Variants in KCNIP4 observed in about 807,000 individuals in gnomAD.
KCNIP4 encodes potassium voltage-gated channel interacting protein 4, also known as Kv channel-interacting protein 4.
Under a neutral mutation model 34.0 loss-of-function variants are expected in KCNIP4, and 12 were observed. The observed-to-expected ratio is 0.35, with a 90% confidence interval of 0.23 to 0.57. KCNIP4 has a LOEUF of 0.57. Ranked by LOEUF, KCNIP4 falls within the 20% of genes least tolerant of loss-of-function variation. The pLI, the probability that KCNIP4 is intolerant of heterozygous loss-of-function variation, is 0.83. For synonymous variants in KCNIP4, 124 were observed against 102.2 expected, an observed-to-expected ratio of 1.21 and a Z score of -1.29; for missense variants, 238 against 311.7, an observed-to-expected ratio of 0.76 and a Z score of 1.78.
At chr4:21,512,971 G>C (rs1301133056) in intron 1 of KCNIP4, among the ~76,000 whole-genome samples, 1 of 152,174 alleles carries the variant, frequency 6.6e-6, no homozygotes, top group Admixed American at 6.6e-5. Context: ...GATTAGATGA[G>C]ATAACACACT....
chr4:20,905,485 C>A (rs918448142), intron 1 of KCNIP4, among the ~76,000 whole-genome samples: 1 of 144,804 alleles, frequency 6.9e-6, no homozygotes, highest in African/African-American at 2.5e-5. Flanking sequence ...TTTAATATTA[C>A]ACAGGTAGTT....
intron 1 of KCNIP4, among the ~76,000 whole-genome samples, chr4:21,342,241 T>C (rs1350082609): frequency 6.6e-6 from 1 of 152,044 alleles, no homozygotes; most frequent in East Asian, 1.9e-4. Flanking sequence ...CTCAAAATGC[T>C]AGAAAAAGAA....
intron 1 of KCNIP4, among the ~76,000 whole-genome samples, chr4:21,454,504 G>A (rs1413635011): frequency 6.6e-6 from 1 of 152,082 alleles, no homozygotes; most frequent in African/African-American, 2.4e-5. Flanking sequence ...TGACTCCAGG[G>A]TAAAATGCTT....
At chr4:20,762,573 A>G (rs1278648411) in intron 3 of KCNIP4, among the ~76,000 whole-genome samples, 2 of 152,204 alleles carry the variant, frequency 1.3e-5, no homozygotes, top group Non-Finnish European at 2.9e-5. Context: ...TGATCTCTCC[A>G]TAAAAGTGGT....
chr4:20,837,757 C>T (rs1336040415), intron 3 of KCNIP4, among the ~76,000 whole-genome samples: 33 of 150,540 alleles, frequency 2.2e-4, no homozygotes, highest in African/African-American at 8.1e-4. Context: ...ATCTTGCTCA[C>T]TGCAACCTCT....
intron 1 of KCNIP4, among the ~76,000 whole-genome samples, chr4:21,834,680 A>C (rs1488052674): frequency 6.7e-4 from 99 of 148,210 alleles, no homozygotes; most frequent in South Asian, 1.7e-3. Context: ...CAGTTTTCAA[A>C]GGGAATGCTT....
At chr4:20,914,595 T>C (rs1728630332) in intron 1 of KCNIP4, among the ~76,000 whole-genome samples, 1 of 152,188 alleles carries the variant, frequency 6.6e-6, no homozygotes, top group African/African-American at 2.4e-5. Context: ...ATAATTATAA[T>C]TATTATTTGG....
At position 20,911,073 on chromosome 4, in the gene KCNIP4, A is replaced by G. The variant is rs991295647; in HGVS notation, c.62-28364T>C. Among the ~76,000 whole-genome samples, 6 of 152,230 alleles carry G rather than the reference A, an allele frequency of 3.9e-5. No homozygotes were observed. In the East Asian group the frequency reaches 1.2e-3, roughly 29 times the overall value. On this transcript the variant is annotated intron_variant, in intron 1 of 8. Transcript: ENST00000382152. Reference sequence around the variant, plus strand: ...TATTTCTAACATAAGAGAAACCATAATCAGACAGATTATGAGAAAAGTGAA... The same window carrying G: ...TATTTCTAACATAAGAGAAACCATAGTCAGACAGATTATGAGAAAAGTGAA...
At chr4:21,267,070 G>A (rs941982948) in intron 1 of KCNIP4, among the ~76,000 whole-genome samples, 5 of 152,176 alleles carry the variant, frequency 3.3e-5, no homozygotes, top group African/African-American at 1.2e-4. Context: ...GCCCAGCTCA[G>A]CTATGACCAC....
At chr4:21,746,553 ATAT>A (rs1716789955) in intron 1 of KCNIP4, among the ~76,000 whole-genome samples, 1 of 150,848 alleles carries the variant, frequency 6.6e-6, no homozygotes, top group Non-Finnish European at 1.5e-5. Flanking sequence ...ATTATAAAAA[ATAT>A]TATACTCAGT....
intron 1 of KCNIP4, among the ~76,000 whole-genome samples, chr4:21,584,792 C>T (rs1741489355): frequency 6.6e-6 from 1 of 152,012 alleles, no homozygotes; most frequent in South Asian, 2.1e-4. Flanking sequence ...CACACTCACA[C>T]AAAGAAAGAT....
At chr4:21,172,707 A>G (rs1045828679) in intron 1 of KCNIP4, among the ~76,000 whole-genome samples, 2 of 152,162 alleles carry the variant, frequency 1.3e-5, no homozygotes, top group African/African-American at 4.8e-5. Context: ...GCATTTATAA[A>G]GCCCCACTCT....
intron 1 of KCNIP4, among the ~76,000 whole-genome samples, chr4:20,954,106 T>A (rs1476652015): frequency 6.6e-6 from 1 of 152,142 alleles, no homozygotes; most frequent in East Asian, 1.9e-4. Flanking sequence ...CAAAGTTATC[T>A]TCAAGAATAA....
chr4:21,057,783 T>C (rs1406035595), intron 1 of KCNIP4, among the ~76,000 whole-genome samples: 1 of 152,230 alleles, frequency 6.6e-6, no homozygotes, highest in East Asian at 1.9e-4. Flanking sequence ...TTCAGTCAAT[T>C]GTTCTGAAAG....
chr4:20,879,000 C>T (rs1197361549), intron 2 of KCNIP4, among the ~76,000 whole-genome samples: 1 of 152,124 alleles, frequency 6.6e-6, no homozygotes, highest in African/African-American at 2.4e-5. Flanking sequence ...AACTGGACAG[C>T]TCTTGATGCC....
At chr4:21,006,468 A>G (rs550392682) in intron 1 of KCNIP4, among the ~76,000 whole-genome samples, 1 of 152,286 alleles carries the variant, frequency 6.6e-6, no homozygotes, top group South Asian at 2.1e-4. Context: ...CTTTTGACCA[A>G]CTGTAAATCA....
At chr4:21,316,113 A>T (rs1713732509) in intron 1 of KCNIP4, among the ~76,000 whole-genome samples, 1 of 152,158 alleles carries the variant, frequency 6.6e-6, no homozygotes, top group Non-Finnish European at 1.5e-5. Flanking sequence ...GGAGGCTTTC[A>T]TGAGCCCATC....
At chr4:21,527,135 C>T (rs886817852) in intron 1 of KCNIP4, among the ~76,000 whole-genome samples, 4 of 152,114 alleles carry the variant, frequency 2.6e-5, no homozygotes, top group Non-Finnish European at 5.9e-5. Flanking sequence ...CCTAGGCTGC[C>T]GTTTCCATTT....
At chr4:21,882,757 A>T (rs1413230232) in intron 1 of KCNIP4, among the ~76,000 whole-genome samples, 1 of 152,132 alleles carries the variant, frequency 6.6e-6, no homozygotes, top group African/African-American at 2.4e-5. Context: ...CTTCATTTAA[A>T]TGCATGGAGA....
Sources: gnomAD v4.1 joint callset for allele counts (sites outside exome capture counted in the v4.1 genomes callset) on GRCh38, gnomAD v4.1.1 for gene constraint, MANE v1.5 for transcripts, NCBI Gene and HGNC (gene_info 2026-07-23, HGNC 2026-07-21) for gene names.